Variants in RNF227 observed in about 807,000 individuals in gnomAD.
The protein encoded by RNF227 is long intergenic non-protein coding RNA 2581.
Under a neutral mutation model 4.9 loss-of-function variants are expected in RNF227, and 8 were observed. The ratio of observed to expected loss-of-function variants is 1.65; its 90% confidence interval spans 0.97 to 2.98. The LOEUF is 2.98. Ranked by LOEUF, RNF227 falls within the 30% of genes most tolerant of loss-of-function variation. RNF227 has a pLI of 0.00. For missense variants in RNF227, 136 were observed against 65.4 expected (o/e 2.08, Z -3.72); for synonymous variants, 63 against 28.1 (o/e 2.25, Z -3.94).
chr17:7,915,663 C>G lies in RNF227; in HGVS notation c.517+16G>C. On this transcript the variant is annotated intron_variant, in intron 1 of 1. Transcript: ENST00000324348. ...CGGCGCTCTCTCCCCTGCATCCTCC[C>G]CGGGCAGCCCCTCACCGTTGCTAGG... 1.4e-6 allele frequency: 1 copy of G among 702,068 alleles called. No individual in the cohort carries two copies. The highest frequency in any genetic ancestry group is 2.7e-5 in the East Asian group (1 of 37,254). The allele number at this position is 702,068 out of a possible 1,614,324, so 43.5% of individuals were successfully genotyped here. A position where few individuals can be genotyped will look rare whatever the true frequency, so the allele number is the denominator to read the frequency against.
In RNF227 at chr17:7,914,535, A is replaced by G. The variant is rs1407180763; in HGVS notation, c.*987T>C. 2 of 152,234 alleles carry G rather than the reference A, an allele frequency of 1.3e-5. No homozygotes were observed. The highest frequency in any genetic ancestry group is 4.8e-5 in the African/African-American group (2 of 41,424). The allele number at this position is 152,234 out of a possible 1,614,324, so 9.4% of individuals were successfully genotyped here. ...GCACTCCAGCCTGGGCGACACAGTG[A>G]GACTCTGGCTCAAAACAAAAACAAA... On this transcript the variant is annotated 3_prime_UTR_variant, in exon 2 of 2. Transcript: ENST00000324348.
rs112320985 is a variant in RNF227, at chr17:7,913,674, A to G, written c.*1848T>C. ...TATAATTATGATTTGTCAATCAAAA[A>G]TATTTATATTTTAAAAAGATTGGAG... On this transcript the variant is annotated 3_prime_UTR_variant, in exon 2 of 2. Coordinates refer to ENST00000324348, the MANE Select transcript of RNF227 (RefSeq NM_001358699.2). 2 of 152,234 alleles carry G rather than the reference A, an allele frequency of 1.3e-5. No individual in the cohort carries two copies. The highest frequency in any genetic ancestry group is 2.9e-5 in the Non-Finnish European group (2 of 68,042). The allele number at this position is 152,234 out of a possible 1,614,324, so 9.4% of individuals were successfully genotyped here. A position where few individuals can be genotyped will look rare whatever the true frequency, so the allele number is the denominator to read the frequency against.
Position 7,916,058 on chromosome 17 carries a change from C to T in RNF227, c.138G>A (p.Thr46=), listed in dbSNP as rs537136531. 2.7e-6 allele frequency: 1 copy of T among 373,210 alleles called. No homozygotes were observed. The highest frequency in any genetic ancestry group is 4.8e-6 in the Non-Finnish European group (1 of 210,116). The allele number at this position is 373,210 out of a possible 1,614,324, so 23.1% of individuals were successfully genotyped here. ...PGTARARCGH[T]ICTACLRELA... ...GCTCGCGGAGGCAGGCGGTGCAGAT[C>T]GTGTGGCCGCAGCGGGCGCGCGCCG... The change falls in exon 1 of 2, where the codon ACG becomes ACA. Residue 46 remains threonine, a synonymous_variant. Coordinates refer to ENST00000324348, the MANE Select transcript of RNF227 (RefSeq NM_001358699.2).
In RNF227 at chr17:7,915,703, AGCG is replaced by A. The variant is rs1567886573; in HGVS notation, c.490_492del (p.Arg164del). 1.4e-6 allele frequency: 1 copy of A among 701,444 alleles called. No homozygotes were observed. The highest frequency in any genetic ancestry group is 2.6e-6 in the Non-Finnish European group (1 of 383,960). The allele number at this position is 701,444 out of a possible 1,614,324, so 43.5% of individuals were successfully genotyped here. ...CCGTTGCTAGGCAGCGGACGCCGCC[AGCG>A]CCGCGCAGGCCCCAGGACCCTGTCC... On this transcript the variant is annotated inframe_deletion, in exon 1 of 2. Coordinates refer to ENST00000324348, the MANE Select transcript of RNF227 (RefSeq NM_001358699.2).
rs1971964968 is a variant in RNF227 at position 7,915,969 on chromosome 17, G to A, written c.227C>T (p.Thr76Met). 1.8e-6 allele frequency: 1 copy of A among 546,376 alleles called. No homozygotes were observed. The highest frequency in any genetic ancestry group is 3.3e-5 in the East Asian group (1 of 30,138). The allele number at this position is 546,376 out of a possible 1,614,324, so 33.8% of individuals were successfully genotyped here. Reference protein sequence around the residue: ...ARVVRLRRVVTCPFCRAPSQL... With the variant: ...ARVVRLRRVVMCPFCRAPSQL... Reference sequence around the variant, plus strand: ...CGAGGGCGCGCGGCAGAAGGGGCACGTGACCACGCGGCGCAGGCGCACCAC... The same window carrying A: ...CGAGGGCGCGCGGCAGAAGGGGCACATGACCACGCGGCGCAGGCGCACCAC... The change falls in exon 1 of 2, where the codon ACG becomes ATG. Residue 76 changes from threonine to methionine, a missense_variant. Thr to Met is a moderately conservative substitution (Grantham distance 81, BLOSUM62 -1). Transcript: ENST00000324348.
Position 7,915,971 on chromosome 17 carries a change from G to T in RNF227, c.225C>A (p.Val75=). ...AGGGCGCGCGGCAGAAGGGGCACGT[G>T]ACCACGCGGCGCAGGCGCACCACGC... The part of the protein sequence containing the change: ...AARVVRLRRV[V]TCPFCRAPSQ... The change falls in exon 1 of 2, where the codon GTC becomes GTA. Residue 75 remains valine, a synonymous_variant. Transcript: ENST00000324348. 1 of 539,512 alleles carries T rather than the reference G, an allele frequency of 1.9e-6. No homozygotes were observed. Among genetic ancestry groups the T allele is most frequent in the South Asian group, 2.2e-5 (1 of 44,574 alleles). 33.4% of individuals were successfully genotyped at this position (539,512 alleles called of 1,614,324 possible). A position where few individuals can be genotyped will look rare whatever the true frequency, so the allele number is the denominator to read the frequency against.
Position 7,913,360 on chromosome 17 carries a change from G to A in RNF227, c.*2162C>T, listed in dbSNP as rs928160022. 22 of 152,110 alleles carry A rather than the reference G, an allele frequency of 1.4e-4. No individual in the cohort carries two copies. The highest frequency in any genetic ancestry group is 4.6e-4 in the African/African-American group (19 of 41,420). The allele number at this position is 152,110 out of a possible 1,614,324, so 9.4% of individuals were successfully genotyped here. Reference sequence around the variant, plus strand: ...GAGATAAAGCCAACAAATATTTATTGAGTACATACTATACAGTAACACTGC... The same window carrying A: ...GAGATAAAGCCAACAAATATTTATTAAGTACATACTATACAGTAACACTGC... On this transcript the variant is annotated 3_prime_UTR_variant, in exon 2 of 2. Transcript: ENST00000324348.
At position 7,915,397 on chromosome 17, in the gene RNF227, C is replaced by G. The variant is rs879047791; in HGVS notation, c.*125G>C. The G allele has an allele frequency of 1.4e-6, 1 of 701,890 alleles. No individual in the cohort carries two copies. The highest frequency in any genetic ancestry group is 2.6e-6 in the Non-Finnish European group (1 of 384,888). The allele number at this position is 701,890 out of a possible 1,614,324, so 43.5% of individuals were successfully genotyped here. The stretch of plus-strand genomic sequence containing the variant: ...TCAACACCTCCCAGGGCGTTCCCTC[C>G]TGCCTTCGGCTCATCTCTCTCATCA... On this transcript the variant is annotated 3_prime_UTR_variant, in exon 2 of 2. Transcript: ENST00000324348.
Position 7,914,942 on chromosome 17 carries a change from C to T in RNF227, c.*580G>A, listed in dbSNP as rs1373057095. On this transcript the variant is annotated 3_prime_UTR_variant, in exon 2 of 2. Transcript: ENST00000324348. ...TGCCCTTTGGAATTTCTGATACCTG[C>T]CCTAGCAGGTTGAAGGGAGATTCTG... The T allele has an allele frequency of 1.2e-5, 2 of 173,468 alleles. No individual in the cohort carries two copies. The highest frequency in any genetic ancestry group is 2.5e-5 in the Non-Finnish European group (2 of 80,198). The allele number at this position is 173,468 out of a possible 1,614,324, so 10.7% of individuals were successfully genotyped here.
rs1971967144 is a variant in RNF227 at position 7,916,038 on chromosome 17, C to T, written c.158G>A (p.Arg53His). The T allele has an allele frequency of 2.0e-5, 7 of 357,298 alleles. No individual in the cohort carries two copies. The East Asian group carries it at 2.9e-4, about 15-fold the overall frequency. 22.1% of individuals were successfully genotyped at this position (357,298 alleles called of 1,614,324 possible). The change falls in exon 1 of 2, where the codon CGC becomes CAC. Residue 53 changes from arginine (R) to histidine (H), a missense_variant. Physicochemically the swap from Arg to His is conservative, Grantham distance 29. Coordinates refer to ENST00000324348, the MANE Select transcript of RNF227 (RefSeq NM_001358699.2). ...GCCGTCCCCGCGCGCCGCCAGCTCG[C>T]GGAGGCAGGCGGTGCAGATCGTGTG... ...CGHTICTACLRELAARGDGGG... is the reference protein window; with the variant it reads ...CGHTICTACLHELAARGDGGG...
rs1345311072 is a variant in RNF227 at position 7,915,416 on chromosome 17, C to CTCATCACA, written c.*98_*105dup. The CTCATCACA allele has an allele frequency of 1.4e-6, 1 of 702,082 alleles. No individual in the cohort carries two copies. The allele number at this position is 702,082 out of a possible 1,614,324, so 43.5% of individuals were successfully genotyped here. On this transcript the variant is annotated 3_prime_UTR_variant, in exon 2 of 2. Coordinates refer to ENST00000324348, the MANE Select transcript of RNF227 (RefSeq NM_001358699.2). ...TCCCTCCTGCCTTCGGCTCATCTCT[C>CTCATCACA]TCATCACATGCCAATCCTGGGATCT... is the stretch of plus-strand genomic sequence containing the variant.
In RNF227 at chr17:7,915,921, G is replaced by A. The variant is rs1287756921; in HGVS notation, c.275C>T (p.Thr92Met). The A allele has an allele frequency of 2.9e-6, 2 of 694,120 alleles. No individual in the cohort carries two copies. Among genetic ancestry groups the A allele is most frequent in the South Asian group, 1.5e-5 (1 of 67,340 alleles). The allele number at this position is 694,120 out of a possible 1,614,324, so 43.0% of individuals were successfully genotyped here. A position where few individuals can be genotyped will look rare whatever the true frequency, so the allele number is the denominator to read the frequency against. ...APSQLPRGGL[T>M]EMALDSDLWS... ...CAAGTCCGAGTCAAGAGCCATCTCC[G>A]TGAGGCCGCCGCGAGGGAGCTGCGA... Residue 92 changes from threonine to methionine, a missense_variant, in exon 1 of 2, where the codon ACG (threonine) becomes ATG (methionine). By Grantham distance (81) the Thr-to-Met change is moderately conservative. Coordinates refer to ENST00000324348, the MANE Select transcript of RNF227 (RefSeq NM_001358699.2).
chr17:7,915,164 G>A lies in RNF227; in HGVS notation c.*358C>T. ...AAAAAAAATTCAAACCATTGACAAA[G>A]AATTGCTAAAATGGGACCTGTTGCT... On this transcript the variant is annotated 3_prime_UTR_variant, in exon 2 of 2. Transcript: ENST00000324348. 5.3e-6 allele frequency: 2 copies of A among 378,100 alleles called. No homozygotes were observed. Among genetic ancestry groups the A allele is most frequent in the Non-Finnish European group, 1.0e-5 (2 of 200,348 alleles). 23.4% of individuals were successfully genotyped at this position (378,100 alleles called of 1,614,324 possible). A position where few individuals can be genotyped will look rare whatever the true frequency, so the allele number is the denominator to read the frequency against.
In RNF227 at chr17:7,913,533, A is replaced by C. The variant is rs1173712118; in HGVS notation, c.*1989T>G. 2.6e-5 allele frequency: 4 copies of C among 152,162 alleles called. No homozygotes were observed. Among genetic ancestry groups the C allele is most frequent in the Non-Finnish European group, 5.9e-5 (4 of 68,026 alleles). 9.4% of individuals were successfully genotyped at this position (152,162 alleles called of 1,614,324 possible). ...ACAGAGGGGTGGGGGAAAAGGCTCT[A>C]CTATGTTGAAGGCAGAAAAAGGCCT... On this transcript the variant is annotated 3_prime_UTR_variant, in exon 2 of 2. Coordinates refer to ENST00000324348, the MANE Select transcript of RNF227 (RefSeq NM_001358699.2).
rs1194051934 is a variant in RNF227 at position 7,915,732 on chromosome 17, C to T, written c.464G>A (p.Trp155Ter). Residue 155 changes from tryptophan to a stop codon, truncating the protein, a stop_gained, in exon 1 of 2, where the codon TGG (tryptophan) becomes TAG (stop). Coordinates refer to ENST00000324348, the MANE Select transcript of RNF227 (RefSeq NM_001358699.2). LOFTEE classifies it high-confidence loss of function. ...CCGCGCAGGCCCCAGGACCCTGTCC[C>T]AGAGCCGCCGGAGCGCGCGCCACCC... is the stretch of plus-strand genomic sequence containing the variant. ...SAGWRALRRL[W>*]DRVLGPARRW... 8.5e-6 allele frequency: 6 copies of T among 702,502 alleles called. No homozygotes were observed. The highest frequency in any genetic ancestry group is 1.6e-5 in the Non-Finnish European group (6 of 384,754). The allele number at this position is 702,502 out of a possible 1,614,324, so 43.5% of individuals were successfully genotyped here.
rs771503587 is a variant in RNF227 at position 7,915,338 on chromosome 17, G to A, written c.*184C>T. 5 of 692,928 alleles carry A rather than the reference G, an allele frequency of 7.2e-6. No individual in the cohort carries two copies. In the South Asian group the frequency reaches 7.5e-5, roughly 10 times the overall value. 42.9% of individuals were successfully genotyped at this position (692,928 alleles called of 1,614,324 possible). A position where few individuals can be genotyped will look rare whatever the true frequency, so the allele number is the denominator to read the frequency against. On this transcript the variant is annotated 3_prime_UTR_variant, in exon 2 of 2. Coordinates refer to ENST00000324348, the MANE Select transcript of RNF227 (RefSeq NM_001358699.2). ...AAGACTGGCACAGTCAGTAGATGGGGGCGAGTTCGTCTAGGAGCCTCCCCA... is the reference window on the plus strand; with the variant it reads ...AAGACTGGCACAGTCAGTAGATGGGAGCGAGTTCGTCTAGGAGCCTCCCCA...
chr17:7,913,762 A>C lies in RNF227; in HGVS notation c.*1760T>G, dbSNP rs937433211. The C allele has an allele frequency of 6.6e-6, 1 of 152,256 alleles. No homozygotes were observed. The highest frequency in any genetic ancestry group is 1.5e-5 in the Non-Finnish European group (1 of 68,038). The allele number at this position is 152,256 out of a possible 1,614,324, so 9.4% of individuals were successfully genotyped here. A position where few individuals can be genotyped will look rare whatever the true frequency, so the allele number is the denominator to read the frequency against. ...TTTAACTAAGAGAAAAATGTTACAT[A>C]GTAGGTTAGGATTTCTTTAGCAATA... On this transcript the variant is annotated 3_prime_UTR_variant, in exon 2 of 2. Transcript: ENST00000324348.
Position 7,915,246 on chromosome 17 carries a change from T to G in RNF227, c.*276A>C. The stretch of plus-strand genomic sequence containing the variant: ...CAACGTCCCAGCTAAGAAAACAGTC[T>G]GTCTTCTTCCCACGGTAACGTAGGC... On this transcript the variant is annotated 3_prime_UTR_variant, in exon 2 of 2. Transcript: ENST00000324348. The G allele has an allele frequency of 1.8e-6, 1 of 554,230 alleles. No homozygotes were observed. Among genetic ancestry groups the G allele is most frequent in the Non-Finnish European group, 3.3e-6 (1 of 304,910 alleles). 34.3% of individuals were successfully genotyped at this position (554,230 alleles called of 1,614,324 possible). A position where few individuals can be genotyped will look rare whatever the true frequency, so the allele number is the denominator to read the frequency against.
rs1334468984 is a variant in RNF227 at position 7,915,595 on chromosome 17, G to C, written c.518-18C>G. On this transcript the variant is annotated intron_variant, in intron 1 of 1. Transcript: ENST00000324348. ...GTAGAGCACTGGGGGAAAGAAGAAG[G>C]GTTAGTGGCAGCAGGAGCATGCCAA... is the stretch of plus-strand genomic sequence containing the variant. 1 of 703,076 alleles carries C rather than the reference G, an allele frequency of 1.4e-6. No individual in the cohort carries two copies. Among genetic ancestry groups the C allele is most frequent in the Non-Finnish European group, 2.6e-6 (1 of 385,024 alleles). The allele number at this position is 703,076 out of a possible 1,614,324, so 43.6% of individuals were successfully genotyped here.
Sources: gnomAD v4.1 joint callset for allele counts on GRCh38, gnomAD v4.1.1 for gene constraint, MANE v1.5 for transcripts, NCBI Gene and HGNC (gene_info 2026-07-23, HGNC 2026-07-21) for gene names.